The following DICER1 variants were observed in gnomAD, a reference collection of about 807,000 sequenced individuals.
DICER1 encodes dicer 1, ribonuclease III.
DICER1 carries 43 observed loss-of-function variants against 194.1 expected under a neutral mutation model. The ratio of observed to expected loss-of-function variants is 0.22; its 90% CI spans 0.17 to 0.29. The LOEUF is 0.29. Ranked by LOEUF, DICER1 falls within the 10% of genes least tolerant of loss-of-function variation. The pLI, the probability that DICER1 is intolerant of heterozygous loss-of-function variation, is 1.00. For synonymous variants in DICER1, 832 were observed against 820.5 expected (o/e 1.01, Z -0.24); for missense variants, 1,608 against 2,317.0 (o/e 0.69, Z 6.28).
At chr14:95,100,879 GA>G (rs907357140) in intron 21 of DICER1, among the ~76,000 whole-genome samples, 39 of 152,314 alleles carry the variant, frequency 2.6e-4, no homozygotes, top group African/African-American at 9.4e-4. Context: ...GGCTAGCAGG[GA>G]AAAGGAGGGT....
chr14:95,109,380 C>T (rs904744791), intron 14 of DICER1, among the ~76,000 whole-genome samples: 2 of 152,144 alleles, frequency 1.3e-5, no homozygotes, highest in African/African-American at 4.8e-5. Context: ...ATTAATTAAA[C>T]AGGATGCCAG....
At chr14:95,123,646 T>C (rs900638216) in intron 8 of DICER1, among the ~76,000 whole-genome samples, 1 of 152,144 alleles carries the variant, frequency 6.6e-6, no homozygotes, top group African/African-American at 2.4e-5. Flanking sequence ...ACTCAAACAA[T>C]CTACCTGCCT....
In DICER1 at chr14:95,129,424, T is replaced by C. The variant is rs757870448; in HGVS notation, c.734+48A>G. ...CTACAAAAACACCAAAGACTTAATA[T>C]TGTTTTCAACTAATCTCATTAAAGC... On this transcript the variant is annotated intron_variant, in intron 6 of 26. Transcript: ENST00000343455. 22 of 1,577,644 alleles carry C rather than the reference T, an allele frequency of 1.4e-5. No homozygotes were observed. The highest frequency in any genetic ancestry group is 1.7e-5 in the Non-Finnish European group (19 of 1,148,556).
chr14:95,131,934 T>C (rs1893986344), intron 3 of DICER1, among the ~76,000 whole-genome samples: 1 of 152,166 alleles, frequency 6.6e-6, no homozygotes, highest in Non-Finnish European at 1.5e-5. Flanking sequence ...TAAAATCAGA[T>C]GGAAACAAGA....
In DICER1 at chr14:95,091,054, T is replaced by C. The variant is rs1595312800; in HGVS notation, c.5583A>G (p.Glu1861=). Residue 1861 remains glutamate, a synonymous_variant, in exon 26 of 27, where the codon GAA becomes GAG. Coordinates refer to ENST00000343455, the MANE Select transcript of DICER1 (RefSeq NM_177438.3). ...RSPVRELLEM[E]PETAKFSPAE... ...CTTACCTAAATTTGGCAGTTTCTGG[T>C]TCCATTTCAAGCAATTCTCGCACAG... is the stretch of plus-strand genomic sequence containing the variant. 1 of 1,613,852 alleles carries C rather than the reference T, an allele frequency of 6.2e-7. No homozygotes were observed. Among genetic ancestry groups the C allele is most frequent in the Non-Finnish European group, 8.5e-7 (1 of 1,179,890 alleles).
chr14:95,121,778 A>G (rs1892955573), intron 8 of DICER1, among the ~76,000 whole-genome samples: 1 of 152,192 alleles, frequency 6.6e-6, no homozygotes, highest in South Asian at 2.1e-4. Flanking sequence ...GAGTGTTGTG[A>G]ATATGTCTTA....
intron 17 of DICER1, 106 bp downstream of exon 17, chr14:95,107,502 G>T: frequency 9.2e-7 from 1 of 1,084,958 alleles, no homozygotes; most frequent in Non-Finnish European, 1.4e-6. Context: ...TGCCCGCCTT[G>T]GCCTCCCAAA....
intron 1 of DICER1, among the ~76,000 whole-genome samples, chr14:95,152,231 C>T (rs574042894): frequency 2.0e-5 from 3 of 152,326 alleles, no homozygotes; most frequent in South Asian, 4.1e-4. Context: ...TTTTCTCCCA[C>T]GATTCTTAAC....
intron 12 of DICER1, among the ~76,000 whole-genome samples, chr14:95,112,716 C>T (rs1445917526): frequency 6.6e-6 from 1 of 152,072 alleles, no homozygotes; most frequent in Non-Finnish European, 1.5e-5. Flanking sequence ...ACTAGGACAA[C>T]GCAACGATCT....
intron 1 of DICER1, 32 bp from the exon 2 acceptor site, chr14:95,133,535 A>T: frequency 1.4e-6 from 2 of 1,455,328 alleles, no homozygotes; most frequent in Non-Finnish European, 1.9e-6. Context: ...CCATTACACA[A>T]TCATGCAGGG....
rs2140019694 is a variant in DICER1, at chr14:95,107,697, A to G, written c.2715T>C (p.Ala905=). The G allele has an allele frequency of 1.9e-6, 3 of 1,613,384 alleles. No homozygotes were observed. The highest frequency in any genetic ancestry group is 2.5e-6 in the Non-Finnish European group (3 of 1,179,510). The change falls in exon 17 of 27, where the codon GCT becomes GCC. Residue 905 remains alanine (A), a synonymous_variant. Coordinates refer to ENST00000343455, the MANE Select transcript of DICER1 (RefSeq NM_177438.3). ...KFMEDIEKSE[A]RIGIPSTKYT... ...ACTTTGTACTGGGAATGCCTATGCG[A>G]GCTTCAGACTTCTCAATATCTTCCA...
chr14:95,108,158 C>T (rs886222316), intron 15 of DICER1, 65 bp from the exon 16 acceptor site: 8 of 1,384,892 alleles, frequency 5.8e-6, no homozygotes, highest in African/African-American at 1.4e-5. Flanking sequence ...TTACAGTTAA[C>T]TTCAGAACAG....
At chr14:95,141,055 A>C (rs141186171) in intron 1 of DICER1, 272 of 152,308 alleles carry the variant, frequency 1.8e-3, no homozygotes, top group African/African-American at 6.2e-3. Flanking sequence ...AAGTAAATAA[A>C]GTCTAAAGAT....
At chr14:95,154,730 A>G (rs1895728888) in intron 1 of DICER1, among the ~76,000 whole-genome samples, 1 of 152,196 alleles carries the variant, frequency 6.6e-6, no homozygotes, top group South Asian at 2.1e-4. Flanking sequence ...GTTAATGAGG[A>G]CAGTTTGAGT....
At chr14:95,122,872 CAA>C (rs1269286461) in intron 8 of DICER1, among the ~76,000 whole-genome samples, 3 of 151,848 alleles carry the variant, frequency 2.0e-5, no homozygotes, top group Non-Finnish European at 2.9e-5. Context: ...TCTCGTTACT[CAA>C]AAAAGTTTTT....
chr14:95,093,786 A>G (rs560987000), intron 24 of DICER1, 102 bp downstream of exon 24: 164 of 1,280,176 alleles, frequency 1.3e-4, no homozygotes, highest in Non-Finnish European at 1.7e-4. Flanking sequence ...CACACCCCTG[A>G]CCTCCTGCTG....
intron 14 of DICER1, among the ~76,000 whole-genome samples, chr14:95,109,303 G>A (rs950021819): frequency 3.3e-5 from 5 of 152,160 alleles, no homozygotes; most frequent in African/African-American, 9.7e-5. Context: ...GTAGTTAAAA[G>A]GTACAAAAAT....
At chr14:95,104,393 G>C (rs1266477428) in intron 20 of DICER1, among the ~76,000 whole-genome samples, 1 of 152,180 alleles carries the variant, frequency 6.6e-6, no homozygotes, top group Non-Finnish European at 1.5e-5. Context: ...CAGGACCTGG[G>C]GCCTAGCTTC....
In DICER1 at chr14:95,087,084, G is replaced by C. The variant is rs781473299; in HGVS notation, c.*3414C>G. 7 of 233,074 alleles carry C rather than the reference G, an allele frequency of 3.0e-5. No individual in the cohort carries two copies. The East Asian group carries it at 4.2e-4, about 14-fold the overall frequency. 14.4% of individuals were successfully genotyped at this position (233,074 alleles called of 1,614,324 possible). A position where few individuals can be genotyped will look rare whatever the true frequency, so the allele number is the denominator to read the frequency against. ...CAACGGGGCCTTGTGCATGAACTGCGCTCGATCTGGATTCCAGTGATCCTC... is the reference window on the plus strand; with the variant it reads ...CAACGGGGCCTTGTGCATGAACTGCCCTCGATCTGGATTCCAGTGATCCTC... On this transcript the variant is annotated 3_prime_UTR_variant, in exon 27 of 27. Coordinates refer to ENST00000343455, the MANE Select transcript of DICER1 (RefSeq NM_177438.3).
Sources: allele counts gnomAD v4.1 joint callset (sites outside exome capture counted in the v4.1 genomes callset), GRCh38; gene constraint gnomAD v4.1.1; transcripts MANE v1.5; gene names NCBI Gene and HGNC (gene_info 2026-07-23, HGNC 2026-07-21).